The following RHOA variants were observed in gnomAD, a reference collection of about 807,000 sequenced individuals.
RHOA encodes transforming protein RhoA.
Under a neutral mutation model 17.5 loss-of-function variants are expected in RHOA, and 3 were observed. The ratio of observed to expected loss-of-function variants is 0.17; its 90% CI spans 0.08 to 0.44. The LOEUF is 0.44. Among genes scored for constraint, RHOA ranks in the 20% least tolerant of loss-of-function variants. The probability of loss-of-function intolerance (pLI) is 0.99; values close to 1 mark genes in which losing one functional copy is unlikely to be tolerated. For missense variants in RHOA, 56 were observed against 242.3 expected (o/e 0.23, Z 5.10); for synonymous variants, 98 against 88.4 (o/e 1.11, Z -0.61).
At chr3:49,387,824 T>C (rs143099387) in intron 1 of RHOA, among the ~76,000 whole-genome samples, 2 of 152,144 alleles carry the variant, frequency 1.3e-5, no homozygotes, top group African/African-American at 4.8e-5. Flanking sequence ...CTTTTAGATG[T>C]GTGTATCTTT....
At chr3:49,404,773 C>CAA (rs773502375) in intron 1 of RHOA, among the ~76,000 whole-genome samples, 1 of 117,372 alleles carries the variant, frequency 8.5e-6, no homozygotes, top group Admixed American at 8.9e-5. Flanking sequence ...TACTAAAATA[C>CAA]AAAAAAAAAA....
At chr3:49,402,599 A>G (rs1028659338) in intron 1 of RHOA, among the ~76,000 whole-genome samples, 3 of 152,004 alleles carry the variant, frequency 2.0e-5, no homozygotes, top group African/African-American at 4.8e-5. Flanking sequence ...ACTTGGGCAC[A>G]AGAGTTAGAG....
intron 1 of RHOA, among the ~76,000 whole-genome samples, chr3:49,381,528 A>C (rs1462413756): frequency 6.6e-6 from 1 of 150,898 alleles, no homozygotes; most frequent in Non-Finnish European, 1.5e-5. Context: ...TGAGCTGAGA[A>C]CGCGCCACTG....
rs10530558 is a variant in RHOA, at chr3:49,399,054, C to CAAAAAAAAAAAAAAAAAAA, written c.-3+12747_-3+12765dup. On this transcript the variant is annotated intron_variant, in intron 1 of 4. Coordinates refer to ENST00000418115, the MANE Select transcript of RHOA (RefSeq NM_001664.4). ...TGCGTGACAGAGCAAGACTCCGTCT[C>CAAAAAAAAAAAAAAAAAAA]AAAAAAAAAAAAAAAAAAAAAAAAA... is the stretch of plus-strand genomic sequence containing the variant. Among the ~76,000 whole-genome samples, 15 of 24,840 alleles carry CAAAAAAAAAAAAAAAAAAA rather than the reference C, an allele frequency of 6.0e-4. 2 individuals are homozygous for CAAAAAAAAAAAAAAAAAAA. The highest frequency in any genetic ancestry group is 8.8e-4 in the Admixed American group (1 of 1,130). 16.3% of individuals were successfully genotyped at this position (24,840 alleles called of 152,430 possible).
intron 1 of RHOA, among the ~76,000 whole-genome samples, chr3:49,405,257 CAA>C (rs56912055): frequency 9.1e-6 from 1 of 110,020 alleles, no homozygotes; most frequent in African/African-American, 4.1e-5. Flanking sequence ...GACTGTGTCT[CAA>C]AAAAAAAAAA....
chr3:49,400,810 C>A (rs1248050555), intron 1 of RHOA, among the ~76,000 whole-genome samples: 1 of 151,874 alleles, frequency 6.6e-6, no homozygotes, highest in African/African-American at 2.4e-5. Flanking sequence ...CTTTGGGAGG[C>A]CGAGGCGGGC....
chr3:49,360,420 T>A (rs1270080189), intron 4 of RHOA, 38 bp from the exon 5 acceptor site: 9 of 1,580,672 alleles, frequency 5.7e-6, no homozygotes, highest in Non-Finnish European at 7.7e-6. Flanking sequence ...TAGCTAATAG[T>A]GTGGCATACA....
At chr3:49,368,334 G>C (rs1017318227) in intron 3 of RHOA, 94 bp downstream of exon 3, 102 of 1,467,580 alleles carry the variant, frequency 7.0e-5, no homozygotes, top group Non-Finnish European at 2.7e-5. Flanking sequence ...CTTCTCTGAA[G>C]TTCATGTCTG....
At chr3:49,399,084 A>AAAAAAAAC (rs1439828740) in intron 1 of RHOA, among the ~76,000 whole-genome samples, 1 of 134,340 alleles carries the variant, frequency 7.4e-6, no homozygotes, top group Non-Finnish European at 1.6e-5. Flanking sequence ...AAAAAAAAAA[A>AAAAAAAAC]AAAGGCTGGG....
At chr3:49,406,680 G>A (rs1020303162) in intron 1 of RHOA, 1 of 152,084 alleles carries the variant, frequency 6.6e-6, no homozygotes, top group Admixed American at 6.6e-5. Context: ...GAGCTAGTGG[G>A]TAGGTTGAGG....
At chr3:49,400,046 C>T (rs530026044) in intron 1 of RHOA, among the ~76,000 whole-genome samples, 1 of 151,828 alleles carries the variant, frequency 6.6e-6, no homozygotes, top group African/African-American at 2.4e-5. Flanking sequence ...CCCGTCTCTA[C>T]TAAAAATACA....
intron 1 of RHOA, among the ~76,000 whole-genome samples, chr3:49,393,463 C>T (rs1049677576): frequency 2.0e-5 from 3 of 152,010 alleles, no homozygotes; most frequent in Middle Eastern, 3.4e-3. Flanking sequence ...CACACCACCA[C>T]GTTTGGCTAA....
At chr3:49,360,883 G>A (rs1267814841) in intron 4 of RHOA, 1 of 311,718 alleles carries the variant, frequency 3.2e-6, no homozygotes, top group South Asian at 2.4e-5. Context: ...AGACCATCCT[G>A]GCCAACATGG....
chr3:49,406,026 G>C (rs568072173), intron 1 of RHOA, among the ~76,000 whole-genome samples: 2 of 152,230 alleles, frequency 1.3e-5, no homozygotes, highest in Admixed American at 6.5e-5. Flanking sequence ...AAGATAAACA[G>C]AGCTTCATTA....
rs965608850 is a variant in RHOA, at chr3:49,389,257, G to A, written c.-2-13666C>T. 3.9e-5 allele frequency among the ~76,000 whole-genome samples: 6 copies of A among 152,162 alleles called. No homozygotes were observed. In the East Asian group the frequency reaches 7.7e-4, roughly 20 times the overall value. ...AGCTACTCGGGGGGCTGAGCTTGCA[G>A]TGAGTGAAGATTGTGACATTGCGCT... On this transcript the variant is annotated intron_variant, in intron 1 of 4. Transcript: ENST00000418115.
intron 3 of RHOA, among the ~76,000 whole-genome samples, chr3:49,363,387 T>TCCAG (rs1559494816): frequency 6.6e-6 from 1 of 151,982 alleles, no homozygotes; most frequent in Non-Finnish European, 1.5e-5. Context: ...GCCACTGCAC[T>TCCAG]CCTGGGCGAC....
chr3:49,378,956 G>C, intron 1 of RHOA, among the ~76,000 whole-genome samples: 1 of 152,036 alleles, frequency 6.6e-6, no homozygotes, highest in East Asian at 1.9e-4. Context: ...ATAATAAAAA[G>C]ACAAATAATC....
chr3:49,382,637 C>T (rs2048335917), intron 1 of RHOA, among the ~76,000 whole-genome samples: 1 of 151,716 alleles, frequency 6.6e-6, no homozygotes, highest in Non-Finnish European at 1.5e-5. Flanking sequence ...CCCTGTCTCA[C>T]CAAATAAAGA....
At chr3:49,389,510 A>G (rs905258645) in intron 1 of RHOA, among the ~76,000 whole-genome samples, 1 of 152,112 alleles carries the variant, frequency 6.6e-6, no homozygotes, top group Non-Finnish European at 1.5e-5. Context: ...CGGCAGGTCT[A>G]TTTCCAGCCA....
Sources: allele counts gnomAD v4.1 joint callset (sites outside exome capture counted in the v4.1 genomes callset), GRCh38; gene constraint gnomAD v4.1.1; transcripts MANE v1.5; gene names NCBI Gene and HGNC (gene_info 2026-07-23, HGNC 2026-07-21).